Variants in EDIL3 observed in about 807,000 individuals in gnomAD.
EDIL3 encodes EGF-like repeat and discoidin I-like domain-containing protein 3.
In EDIL3, 37 loss-of-function variants were observed where a neutral mutation model predicts 67.4. That is an observed-to-expected ratio of 0.55 (90% CI 0.42 to 0.72). The LOEUF (loss-of-function observed/expected upper bound fraction) is 0.72. Among genes scored for constraint, EDIL3 ranks in the 30% least tolerant of loss-of-function variants. The pLI, the probability that EDIL3 is intolerant of heterozygous loss-of-function variation, is 0.00. For synonymous variants in EDIL3, 195 were observed against 196.3 expected (o/e 0.99, Z 0.05); for missense variants, 527 against 586.3 (o/e 0.90, Z 1.04).
chr5:84,218,022 C>A (rs1256525153), intron 3 of EDIL3, among the ~76,000 whole-genome samples: 1 of 152,076 alleles, frequency 6.6e-6, no homozygotes, highest in Non-Finnish European at 1.5e-5. Context: ...CATGAAATTT[C>A]AGAAGACATT....
chr5:84,258,620 C>A (rs1435651634), intron 1 of EDIL3, among the ~76,000 whole-genome samples: 1 of 152,120 alleles, frequency 6.6e-6, no homozygotes, highest in Non-Finnish European at 1.5e-5. Context: ...AGCCGTGCAC[C>A]TCCACGGGGA....
intron 10 of EDIL3, among the ~76,000 whole-genome samples, chr5:83,953,858 C>T (rs1246054020): frequency 1.3e-5 from 2 of 151,680 alleles, no homozygotes; most frequent in Admixed American, 6.6e-5. Context: ...TGTATTTGTC[C>T]CAAGAGTGCT....
chr5:84,216,175 T>C (rs993684318), intron 3 of EDIL3, among the ~76,000 whole-genome samples: 12 of 152,178 alleles, frequency 7.9e-5, no homozygotes, highest in Admixed American at 7.2e-4. Context: ...GTTTGAGCCA[T>C]TGACAGGAAG....
chr5:84,188,532 A>T lies in EDIL3; in HGVS notation c.227-8011T>A, dbSNP rs140478011. On this transcript the variant is annotated intron_variant, in intron 3 of 10. Transcript: ENST00000296591. ...TTTAGATCCTTAACAATCTTTATGC[A>T]CAAAGGCCCTATGATGGGCTAAACT... Among the ~76,000 whole-genome samples, 126 of 152,104 alleles carry T rather than the reference A, an allele frequency of 8.3e-4. 3 individuals carry two copies. In the East Asian group the frequency reaches 0.021, roughly 25 times the overall value.
At chr5:83,985,961 C>T (rs1745051735) in intron 9 of EDIL3, among the ~76,000 whole-genome samples, 1 of 151,846 alleles carries the variant, frequency 6.6e-6, no homozygotes, top group Non-Finnish European at 1.5e-5. Context: ...TAAAGGTTTA[C>T]AGTGAAACAT....
Position 83,943,454 on chromosome 5 carries a change from G to A in EDIL3, c.1408C>T (p.Arg470Trp). Residue 470 changes from arginine to tryptophan, a missense_variant, in exon 11 of 11, where the codon CGG becomes TGG. By Grantham distance (101) the Arg-to-Trp change is moderately radical. This residue lies in a region of EDIL3 where 33 missense variants were observed against 63.7 expected (regional missense o/e 0.52). Coordinates refer to ENST00000296591, the MANE Select transcript of EDIL3 (RefSeq NM_005711.5). ...TCTGTGCAGCCCAGCAGCTCTGACC[G>A]CAATGTGATCCTCCCGTACCAGGAC... ...PWSWYGRITL[R>W]SELLGCTEEE 3.1e-6 allele frequency: 5 copies of A among 1,612,608 alleles called. No homozygotes were observed. The highest frequency in any genetic ancestry group is 3.4e-6 in the Non-Finnish European group (4 of 1,179,154).
At chr5:84,344,984 T>C (rs1164790053) in intron 1 of EDIL3, among the ~76,000 whole-genome samples, 1 of 152,180 alleles carries the variant, frequency 6.6e-6, no homozygotes, top group Non-Finnish European at 1.5e-5. Flanking sequence ...AAAATTCTTG[T>C]AATTGCTTAC....
chr5:84,044,107 T>C (rs1746178989), intron 9 of EDIL3, among the ~76,000 whole-genome samples: 1 of 152,074 alleles, frequency 6.6e-6, no homozygotes, highest in African/African-American at 2.4e-5. Context: ...CCTCCCTGTG[T>C]CCATGTGTTC....
intron 9 of EDIL3, among the ~76,000 whole-genome samples, chr5:84,006,880 A>G (rs1387890769): frequency 1.3e-5 from 2 of 152,010 alleles, no homozygotes; most frequent in Non-Finnish European, 2.9e-5. Context: ...TTATATAAAA[A>G]AAGAATTATA....
chr5:84,117,083 A>C (rs1285481821), intron 5 of EDIL3, among the ~76,000 whole-genome samples: 1 of 123,102 alleles, frequency 8.1e-6, no homozygotes, highest in Non-Finnish European at 1.6e-5. Context: ...GCGGGAGTGC[A>C]GTGGCGCAAT....
intron 3 of EDIL3, among the ~76,000 whole-genome samples, chr5:84,182,132 T>G (rs1024344900): frequency 1.3e-5 from 2 of 151,934 alleles, no homozygotes; most frequent in African/African-American, 4.8e-5. Context: ...TCAAAGCCAC[T>G]AATAAAAACA....
intron 9 of EDIL3, among the ~76,000 whole-genome samples, chr5:83,967,372 T>C (rs562186168): frequency 8.5e-4 from 129 of 152,110 alleles, no homozygotes; most frequent in Admixed American, 1.0e-3. Context: ...TGCATCTCTA[T>C]TTTAATACTG....
At chr5:84,168,713 C>T (rs746370914) in intron 4 of EDIL3, among the ~76,000 whole-genome samples, 20 of 152,164 alleles carry the variant, frequency 1.3e-4, no homozygotes, top group Non-Finnish European at 2.9e-4. Context: ...TGTTCAACTC[C>T]TCCCAAGTGT....
intron 6 of EDIL3, 128 bp from the exon 7 acceptor site, chr5:84,066,734 T>A: frequency 8.1e-7 from 1 of 1,234,884 alleles, no homozygotes; most frequent in Non-Finnish European, 1.1e-6. Context: ...ATAATTTTCA[T>A]GGATAAATGT....
intron 1 of EDIL3, among the ~76,000 whole-genome samples, chr5:84,344,479 T>C (rs1407952628): frequency 6.6e-6 from 1 of 152,062 alleles, no homozygotes; most frequent in Non-Finnish European, 1.5e-5. Flanking sequence ...GGAAGAATTT[T>C]AAACACGTTA....
In EDIL3 at chr5:84,263,814, A is replaced by G. The variant is rs562911882; in HGVS notation, c.68-9602T>C. 3.3e-5 allele frequency among the ~76,000 whole-genome samples: 5 copies of G among 152,318 alleles called. No individual in the cohort carries two copies. The South Asian group carries it at 1.0e-3, about 32-fold the overall frequency. ...AAGAAGTGGTTAAAGAAAACAGTGG[A>G]GAAGGAATAATCAGAAGGGTGAGAG... On this transcript the variant is annotated intron_variant, in intron 1 of 10. Transcript: ENST00000296591.
chr5:84,370,602 G>C (rs1747823075), intron 1 of EDIL3, among the ~76,000 whole-genome samples: 1 of 152,140 alleles, frequency 6.6e-6, no homozygotes, highest in African/African-American at 2.4e-5. Flanking sequence ...AAAGTTTACT[G>C]TCTAGCTCCC....
chr5:84,277,173 T>C (rs780472741), intron 1 of EDIL3, among the ~76,000 whole-genome samples: 1 of 152,128 alleles, frequency 6.6e-6, no homozygotes, highest in Non-Finnish European at 1.5e-5. Context: ...CCCCCCAAGA[T>C]TCATATGTTG....
chr5:84,218,022 C>T (rs1256525153), intron 3 of EDIL3, among the ~76,000 whole-genome samples: 1 of 152,076 alleles, frequency 6.6e-6, no homozygotes, highest in Non-Finnish European at 1.5e-5. Flanking sequence ...CATGAAATTT[C>T]AGAAGACATT....
Sources: allele counts gnomAD v4.1 joint callset (sites outside exome capture counted in the v4.1 genomes callset), GRCh38; gene constraint gnomAD v4.1.1; regional missense constraint gnomAD v4.1.1; transcripts MANE v1.5; gene names NCBI Gene and HGNC (gene_info 2026-07-23, HGNC 2026-07-21).